The following NALF1 variants were observed in gnomAD, a reference collection of about 807,000 sequenced individuals.
NALF1 encodes NALCN channel auxiliary factor 1.
NALF1 carries 3 observed loss-of-function variants against 48.4 expected under a neutral mutation model. That is an observed-to-expected ratio of 0.06 (90% confidence interval 0.03 to 0.16). NALF1 has a LOEUF of 0.16. Ranked by LOEUF, NALF1 falls within the 10% of genes least tolerant of loss-of-function variation. The pLI is 1.00. For synonymous variants in NALF1, 262 were observed against 245.7 expected (o/e 1.07, Z -0.62); for missense variants, 526 against 571.5 (o/e 0.92, Z 0.81).
chr13:107,784,683 A>G (rs147389190), intron 1 of NALF1, among the ~76,000 whole-genome samples: 136 of 152,264 alleles, frequency 8.9e-4, no homozygotes, highest in African/African-American at 3.2e-3. Flanking sequence ...GAAATGCAAA[A>G]TAAAACCACA....
chr13:107,279,503 G>A (rs1881346797), intron 1 of NALF1, among the ~76,000 whole-genome samples: 1 of 152,024 alleles, frequency 6.6e-6, no homozygotes, highest in East Asian at 1.9e-4. Context: ...TGATCTGCTC[G>A]CCTCAGCCTC....
At chr13:107,323,205 C>T (rs562713410) in intron 1 of NALF1, among the ~76,000 whole-genome samples, 39 of 152,070 alleles carry the variant, frequency 2.6e-4, no homozygotes, top group Non-Finnish European at 5.0e-4. Context: ...CAAATGCTTC[C>T]GTGCTATAGA....
At chr13:107,395,111 G>A (rs1027470450) in intron 1 of NALF1, among the ~76,000 whole-genome samples, 3 of 152,144 alleles carry the variant, frequency 2.0e-5, no homozygotes, top group Non-Finnish European at 4.4e-5. Flanking sequence ...AAATGAGAAT[G>A]TTAATGTTCT....
intron 1 of NALF1, among the ~76,000 whole-genome samples, chr13:107,556,860 AGGAGGAGAAAAG>A (rs377015197): frequency 1.6e-4 from 25 of 152,200 alleles, no homozygotes; most frequent in Admixed American, 6.5e-4. Context: ...GACAAAGAGG[AGGAGGAGAAAAG>A]GGAGGAGAAC....
chr13:107,780,567 C>T (rs1405825656), intron 1 of NALF1, among the ~76,000 whole-genome samples: 3 of 151,350 alleles, frequency 2.0e-5, no homozygotes, highest in African/African-American at 7.3e-5. Flanking sequence ...GATGTGATCT[C>T]GGCTCACTGC....
At chr13:107,251,720 G>T (rs1005400226) in intron 1 of NALF1, among the ~76,000 whole-genome samples, 13 of 152,146 alleles carry the variant, frequency 8.5e-5, no homozygotes, top group Non-Finnish European at 1.6e-4. Flanking sequence ...GGATTTATTT[G>T]TATTCTGCTA....
intron 1 of NALF1, among the ~76,000 whole-genome samples, chr13:107,216,710 C>T (rs1157639522): frequency 6.6e-6 from 1 of 152,186 alleles, no homozygotes; most frequent in Non-Finnish European, 1.5e-5. Flanking sequence ...CCAGTCCACC[C>T]AAACCATTCT....
chr13:107,178,447 G>A (rs1391176752), intron 2 of NALF1, among the ~76,000 whole-genome samples: 1 of 152,220 alleles, frequency 6.6e-6, no homozygotes, highest in East Asian at 1.9e-4. Flanking sequence ...ACAGGTATAT[G>A]AAGAAGTGCT....
chr13:107,830,286 A>G (rs1239770431), intron 1 of NALF1, among the ~76,000 whole-genome samples: 1 of 152,232 alleles, frequency 6.6e-6, no homozygotes, highest in Non-Finnish European at 1.5e-5. Context: ...GTCGTTGTTT[A>G]TTTGAATATA....
chr13:107,761,211 G>T (rs1877253404), intron 1 of NALF1, among the ~76,000 whole-genome samples: 1 of 152,080 alleles, frequency 6.6e-6, no homozygotes, highest in Admixed American at 6.6e-5. Context: ...CAAAAAATTA[G>T]CTGGGCATGG....
At chr13:107,247,931 C>T (rs1880616096) in intron 1 of NALF1, among the ~76,000 whole-genome samples, 1 of 152,114 alleles carries the variant, frequency 6.6e-6, no homozygotes, top group African/African-American at 2.4e-5. Flanking sequence ...GGGCATTTTG[C>T]TCAAGTTTAG....
intron 1 of NALF1, among the ~76,000 whole-genome samples, chr13:107,247,381 ATGAATAATCAG>A (rs1266912560): frequency 6.6e-6 from 1 of 152,234 alleles, no homozygotes; most frequent in Non-Finnish European, 1.5e-5. Context: ...CTTGACAGAT[ATGAATAATCAG>A]TGTTTTTGAT....
chr13:107,234,749 T>A (rs1486010831), intron 1 of NALF1, among the ~76,000 whole-genome samples: 1 of 152,230 alleles, frequency 6.6e-6, no homozygotes, highest in Non-Finnish European at 1.5e-5. Flanking sequence ...AAGAGCATTT[T>A]CAGCTCTTCT....
rs540512132 is a variant in NALF1 at position 107,846,160 on chromosome 13, T to C, written c.915+19522A>G. Among the ~76,000 whole-genome samples the C allele has an allele frequency of 1.7e-4, 26 of 152,254 alleles. No individual in the cohort carries two copies. The South Asian group carries it at 4.8e-3, about 28-fold the overall frequency. ...CACAGGAGTGGTGACTTGACTTGCT[T>C]CAGTCAGTGAAAGGTAGCTGCAAGC... is the stretch of plus-strand genomic sequence containing the variant. On this transcript the variant is annotated intron_variant, in intron 1 of 2. Transcript: ENST00000375915.
At chr13:107,648,392 C>T (rs897549099) in intron 1 of NALF1, among the ~76,000 whole-genome samples, 11 of 152,162 alleles carry the variant, frequency 7.2e-5, no homozygotes, top group African/African-American at 2.4e-4. Flanking sequence ...ACTCTCTATA[C>T]TGCTGCCTTT....
At chr13:107,696,730 G>C (rs1881709255) in intron 1 of NALF1, among the ~76,000 whole-genome samples, 1 of 152,062 alleles carries the variant, frequency 6.6e-6, no homozygotes, top group Non-Finnish European at 1.5e-5. Flanking sequence ...TTAATAAATA[G>C]CAGCTATTAT....
chr13:107,406,790 A>G (rs1046371252), intron 1 of NALF1, among the ~76,000 whole-genome samples: 2 of 152,084 alleles, frequency 1.3e-5, no homozygotes, highest in Admixed American at 6.6e-5. Context: ...ACGAAATCAC[A>G]AAAGACCCAG....
intron 1 of NALF1, among the ~76,000 whole-genome samples, chr13:107,856,315 A>AG (rs1880439842): frequency 6.6e-6 from 1 of 152,194 alleles, no homozygotes; most frequent in Non-Finnish European, 1.5e-5. Flanking sequence ...AAACCAATGG[A>AG]GAAAGGTCAT....
intron 1 of NALF1, among the ~76,000 whole-genome samples, chr13:107,830,638 G>C (rs190710505): frequency 2.0e-5 from 3 of 152,220 alleles, no homozygotes; most frequent in Admixed American, 1.3e-4. Context: ...TCGGGGAGCG[G>C]GGGGAGGATT....
Sources: allele counts gnomAD v4.1 joint callset (sites outside exome capture counted in the v4.1 genomes callset), GRCh38; gene constraint gnomAD v4.1.1; transcripts MANE v1.5; gene names NCBI Gene and HGNC (gene_info 2026-07-23, HGNC 2026-07-21).